Variants in MAPRE2 observed in about 807,000 individuals in gnomAD.
MAPRE2 encodes microtubule associated protein RP/EB family member 2, also known as microtubule-associated protein RP/EB family member 2.
A neutral mutation model predicts 43.2 loss-of-function variants in MAPRE2; 13 were observed. That is an observed-to-expected ratio of 0.30 (90% CI 0.20 to 0.48). The LOEUF (loss-of-function observed/expected upper bound fraction) is 0.48. Ranked by LOEUF, MAPRE2 falls within the 20% of genes least tolerant of loss-of-function variation. The pLI is 0.99. For synonymous variants in MAPRE2, 135 were observed against 148.8 expected (o/e 0.91, Z 0.68); for missense variants, 161 against 400.2 (o/e 0.40, Z 5.10).
chr18:35,128,867 C>T (rs1451995222), intron 5 of MAPRE2, among the ~76,000 whole-genome samples: 1 of 152,182 alleles, frequency 6.6e-6, no homozygotes, highest in Non-Finnish European at 1.5e-5. Flanking sequence ...GAGGTTCTCT[C>T]CCGCTTATAG....
intron 1 of MAPRE2, among the ~76,000 whole-genome samples, chr18:34,979,356 C>A (rs1349929164): frequency 6.6e-6 from 1 of 152,146 alleles, no homozygotes; most frequent in Admixed American, 6.5e-5. Context: ...GGCTGCACAG[C>A]GATCCCAGTG....
chr18:35,052,062 T>C (rs1905964990), intron 1 of MAPRE2, among the ~76,000 whole-genome samples: 1 of 152,170 alleles, frequency 6.6e-6, no homozygotes. Context: ...TACTACAGTC[T>C]TTTTTCCCCC....
chr18:35,001,207 A>G (rs1237018490), intron 1 of MAPRE2, among the ~76,000 whole-genome samples: 1 of 152,186 alleles, frequency 6.6e-6, no homozygotes, highest in Non-Finnish European at 1.5e-5. Flanking sequence ...ATGAGAGATA[A>G]GTTAAAAAAT....
chr18:35,112,206 G>A (rs1456418416), intron 4 of MAPRE2, among the ~76,000 whole-genome samples: 6 of 146,986 alleles, frequency 4.1e-5, no homozygotes, highest in South Asian at 2.1e-4. Flanking sequence ...TTTTATGGAC[G>A]GAGTTTCACT....
At chr18:34,997,067 A>T (rs1277288635) in intron 1 of MAPRE2, among the ~76,000 whole-genome samples, 4 of 152,182 alleles carry the variant, frequency 2.6e-5, no homozygotes, top group African/African-American at 9.6e-5. Context: ...GAGGTTTACA[A>T]CTTGCAACAT....
intron 2 of MAPRE2, among the ~76,000 whole-genome samples, chr18:35,015,957 C>T (rs2097037986): frequency 6.6e-6 from 1 of 151,950 alleles, no homozygotes; most frequent in Non-Finnish European, 1.5e-5. Context: ...TGCCCCCTTC[C>T]TTCTGCACTC....
chr18:35,075,562 G>A (rs978541336), intron 2 of MAPRE2, among the ~76,000 whole-genome samples: 3 of 152,162 alleles, frequency 2.0e-5, no homozygotes, highest in Non-Finnish European at 4.4e-5. Context: ...CTGTAAGAAA[G>A]TTAGGTCATC....
chr18:34,984,388 C>G (rs1464119840), intron 1 of MAPRE2: 4 of 152,024 alleles, frequency 2.6e-5, no homozygotes, highest in East Asian at 1.9e-4. Flanking sequence ...TTCTCTTCAC[C>G]CCTTCCAGAA....
rs539932153 is a variant in MAPRE2, at chr18:35,019,355, T to C, written c.-8+13802T>C. The stretch of plus-strand genomic sequence containing the variant: ...TGTCTATTAGGTCCAATTGTTGAAT[T>C]TGAGTCCAGAATTCCTTTGTCAATT... On this transcript the variant is annotated intron_variant, in intron 2 of 7. Transcript: ENST00000413393. Among the ~76,000 whole-genome samples the C allele has an allele frequency of 2.6e-5, 4 of 152,076 alleles. No individual in the cohort carries two copies. In the East Asian group the frequency reaches 5.8e-4, roughly 22 times the overall value.
chr18:35,012,140 A>G (rs1033717711), intron 2 of MAPRE2, among the ~76,000 whole-genome samples: 1 of 152,178 alleles, frequency 6.6e-6, no homozygotes, highest in African/African-American at 2.4e-5. Flanking sequence ...TTACTGAGAC[A>G]GGACACATTG....
At chr18:34,985,991 G>T (rs2097020810) in intron 1 of MAPRE2, among the ~76,000 whole-genome samples, 1 of 151,724 alleles carries the variant, frequency 6.6e-6, no homozygotes, top group Admixed American at 6.6e-5. Context: ...CTTAAACAGA[G>T]GCAAAACATC....
chr18:35,117,225 T>G (rs1347234061), intron 4 of MAPRE2, among the ~76,000 whole-genome samples: 1 of 152,196 alleles, frequency 6.6e-6, no homozygotes, highest in African/African-American at 2.4e-5. Context: ...CAGAGATCCC[T>G]GGACCAGGAG....
At chr18:35,034,167 A>G (rs1279543197) in intron 2 of MAPRE2, among the ~76,000 whole-genome samples, 12 of 151,932 alleles carry the variant, frequency 7.9e-5, no homozygotes, top group Non-Finnish European at 1.3e-4. Flanking sequence ...AAACAGAGAT[A>G]TAGATCAATG....
intron 2 of MAPRE2, among the ~76,000 whole-genome samples, chr18:35,006,214 T>G (rs2097031793): frequency 6.6e-6 from 1 of 152,204 alleles, no homozygotes; most frequent in Non-Finnish European, 1.5e-5. Context: ...GGTCCCAAGC[T>G]ACAAGCTATT....
chr18:35,113,553 T>G (rs1479182831), intron 4 of MAPRE2, among the ~76,000 whole-genome samples: 3 of 152,198 alleles, frequency 2.0e-5, no homozygotes, highest in African/African-American at 7.2e-5. Flanking sequence ...AGAATCTGAA[T>G]CTTAATATGA....
chr18:35,040,261 C>T (rs924160274), upstream of MAPRE2, among the ~76,000 whole-genome samples: 3 of 152,084 alleles, frequency 2.0e-5, no homozygotes, highest in Admixed American at 6.5e-5. Context: ...TGAACATATG[C>T]AGGGTCTTTT....
At chr18:35,104,245 A>G (rs1908804580) in intron 4 of MAPRE2, among the ~76,000 whole-genome samples, 1 of 152,210 alleles carries the variant, frequency 6.6e-6, no homozygotes, top group Non-Finnish European at 1.5e-5. Context: ...GAATTGGTCC[A>G]TTAAAATACT....
At chr18:35,051,430 C>G (rs1202885171) in intron 1 of MAPRE2, among the ~76,000 whole-genome samples, 15 of 152,222 alleles carry the variant, frequency 9.9e-5, no homozygotes, top group Admixed American at 9.8e-4. Flanking sequence ...ATTTCTTTCC[C>G]CCTGAAATTT....
chr18:35,066,816 T>C (rs472248), intron 1 of MAPRE2, among the ~76,000 whole-genome samples: 7 of 152,052 alleles, frequency 4.6e-5, no homozygotes, highest in African/African-American at 4.8e-5. Flanking sequence ...GGGGCAAACA[T>C]TGGGAGCAAA....
Sources: allele counts gnomAD v4.1 joint callset (sites outside exome capture counted in the v4.1 genomes callset), GRCh38; gene constraint gnomAD v4.1.1; transcripts MANE v1.5; gene names NCBI Gene and HGNC (gene_info 2026-07-23, HGNC 2026-07-21).